PRUNE2: variants seen among roughly 807,000 people sequenced by gnomAD.
PRUNE2 encodes the protein prune homolog 2 with BCH domain.
PRUNE2 carries 164 observed loss-of-function variants against 252.0 expected under a neutral mutation model. The observed-to-expected ratio is 0.65, with a 90% CI of 0.57 to 0.74. The LOEUF (loss-of-function observed/expected upper bound fraction) is 0.74. Ranked by LOEUF, PRUNE2 falls within the 30% of genes least tolerant of loss-of-function variation. The probability of loss-of-function intolerance (pLI) is 0.00; values close to 1 mark genes in which losing one functional copy is unlikely to be tolerated. For synonymous variants in PRUNE2, 1,292 were observed against 1,350.2 expected, an observed-to-expected ratio of 0.96 and a Z score of 0.94; for missense variants, 3,495 against 3,711.0, an observed-to-expected ratio of 0.94 and a Z score of 1.51.
intron 6 of PRUNE2, among the ~76,000 whole-genome samples, chr9:76,740,763 A>C (rs1300465126): frequency 6.6e-6 from 1 of 152,220 alleles, no homozygotes; most frequent in Admixed American, 6.5e-5. Flanking sequence ...CTAGTGATCG[A>C]GGTAGATAAC....
intron 9 of PRUNE2, among the ~76,000 whole-genome samples, chr9:76,694,180 G>A (rs907082119): frequency 8.8e-5 from 13 of 148,244 alleles, no homozygotes; most frequent in South Asian, 6.5e-4. Context: ...GTTTTGTTTC[G>A]TTTTTTTTTT....
rs568059241 is a variant in PRUNE2 at position 76,767,059 on chromosome 9, G to A, written c.757-53338C>T. Among the ~76,000 whole-genome samples the A allele has an allele frequency of 3.4e-4, 52 of 152,154 alleles. 1 individual carries two copies. In the South Asian group the frequency reaches 7.7e-3, roughly 23 times the overall value. On this transcript the variant is annotated intron_variant, in intron 6 of 18. Transcript: ENST00000376718. ...ATTCACTGCTGTATTCTGGTATAGCGTCTCCAACATACTTACTGATGAATA... is the reference window on the plus strand; with the variant it reads ...ATTCACTGCTGTATTCTGGTATAGCATCTCCAACATACTTACTGATGAATA...
intron 6 of PRUNE2, chr9:76,785,020 CTTTG>C: frequency 6.6e-6 from 1 of 152,068 alleles, no homozygotes; most frequent in East Asian, 1.9e-4. Flanking sequence ...TATCCCTCCC[CTTTG>C]TTTGATTTTT....
chr9:76,876,775 C>T (rs2061498855), intron 1 of PRUNE2, among the ~76,000 whole-genome samples: 1 of 152,138 alleles, frequency 6.6e-6, no homozygotes, highest in Non-Finnish European at 1.5e-5. Context: ...GACTTAAACC[C>T]AAGAGGAAAT....
chr9:76,768,623 G>A (rs12003751), intron 6 of PRUNE2, among the ~76,000 whole-genome samples: 1,620 of 130,218 alleles, frequency 0.012, 27 homozygotes, highest in African/African-American at 0.042. Flanking sequence ...GTGTGTGTGT[G>A]TATATCCCTG....
In PRUNE2 at chr9:76,636,959, C is replaced by T. The variant is rs192599342; in HGVS notation, c.8964-402G>A. ...CAACAGAGTGAGACTCCAACAACAA[C>T]GACAACAACAAAAATGTGTGTGTGT... On this transcript the variant is annotated intron_variant, in intron 14 of 18. Transcript: ENST00000376718. Among the ~76,000 whole-genome samples the T allele has an allele frequency of 1.3e-4, 15 of 116,822 alleles. 1 individual carries two copies. Among genetic ancestry groups the T allele is most frequent in the African/African-American group, 2.2e-4 (7 of 32,556 alleles). The allele number at this position is 116,822 out of a possible 152,430, so 76.6% of individuals were successfully genotyped here. A position where few individuals can be genotyped will look rare whatever the true frequency, so the allele number is the denominator to read the frequency against.
chr9:76,867,313 T>C (rs749058606), intron 1 of PRUNE2, among the ~76,000 whole-genome samples: 1 of 148,948 alleles, frequency 6.7e-6, no homozygotes, highest in South Asian at 2.2e-4. Flanking sequence ...TATGACACCA[T>C]GGGTACCCAA....
chr9:76,899,041 T>C (rs1039374749), intron 1 of PRUNE2, among the ~76,000 whole-genome samples: 2 of 152,152 alleles, frequency 1.3e-5, no homozygotes, highest in Non-Finnish European at 2.9e-5. Flanking sequence ...GCCTAATCTT[T>C]TCTCTCAAGG....
chr9:76,762,539 A>G (rs1053564162), intron 6 of PRUNE2, among the ~76,000 whole-genome samples: 5 of 152,212 alleles, frequency 3.3e-5, no homozygotes, highest in African/African-American at 7.2e-5. Context: ...AAACTCTGAG[A>G]GAGGTGGTGA....
intron 18 of PRUNE2, 103 bp downstream of exon 18, chr9:76,619,237 C>T: frequency 1.4e-6 from 1 of 731,612 alleles, no homozygotes; most frequent in Non-Finnish European, 2.3e-6. Context: ...GAAAGCTGAA[C>T]ATCTAAACAG....
intron 1 of PRUNE2, among the ~76,000 whole-genome samples, chr9:76,877,595 C>T (rs1437208611): frequency 1.3e-5 from 2 of 152,130 alleles, no homozygotes; most frequent in African/African-American, 4.8e-5. Flanking sequence ...CTAGGAACCC[C>T]TCCAATCAGA....
intron 12 of PRUNE2, among the ~76,000 whole-genome samples, chr9:76,643,532 T>C (rs1843464791): frequency 6.6e-6 from 1 of 152,240 alleles, no homozygotes; most frequent in South Asian, 2.1e-4. Context: ...GTGTGTCACT[T>C]GCAGCAAGAT....
chr9:76,732,220 G>A (rs560820492), intron 6 of PRUNE2, among the ~76,000 whole-genome samples: 1 of 152,288 alleles, frequency 6.6e-6, no homozygotes, highest in East Asian at 1.9e-4. Flanking sequence ...GCTGAGGCAG[G>A]AGAATGGCTC....
chr9:76,905,856 C>T (rs1056387165), intron 1 of PRUNE2, 72 bp downstream of exon 1: 12 of 1,592,912 alleles, frequency 7.5e-6, no homozygotes, highest in Non-Finnish European at 1.0e-5. Flanking sequence ...TCTGCTGCAA[C>T]ACCTTTTCCT....
In PRUNE2 at chr9:76,832,136, T is replaced by C. The variant is rs780443369; in HGVS notation, c.509-5404A>G. Reference sequence around the variant, plus strand: ...TAAAGCAAAAACTGAAAAGACTAGATGAAAAATGAGATAAATACACAGTCA... The same window carrying C: ...TAAAGCAAAAACTGAAAAGACTAGACGAAAAATGAGATAAATACACAGTCA... On this transcript the variant is annotated intron_variant, in intron 4 of 18. Coordinates refer to ENST00000376718, the MANE Select transcript of PRUNE2 (RefSeq NM_015225.3). Among the ~76,000 whole-genome samples the C allele has an allele frequency of 1.2e-4, 18 of 152,148 alleles. No individual in the cohort carries two copies. In the East Asian group the frequency reaches 2.1e-3, roughly 18 times the overall value.
At chr9:76,762,240 T>C (rs1312789765) in intron 6 of PRUNE2, among the ~76,000 whole-genome samples, 1 of 152,246 alleles carries the variant, frequency 6.6e-6, no homozygotes, top group Admixed American at 6.5e-5. Context: ...GTGCTGCATT[T>C]GACTCCTGTA....
At chr9:76,858,554 G>A (rs925101633) in intron 1 of PRUNE2, among the ~76,000 whole-genome samples, 1 of 152,048 alleles carries the variant, frequency 6.6e-6, no homozygotes, top group Non-Finnish European at 1.5e-5. Flanking sequence ...TGGGAGTTGA[G>A]CAATGAGAAC....
intron 4 of PRUNE2, among the ~76,000 whole-genome samples, chr9:76,831,340 T>A (rs2058666844): frequency 6.6e-6 from 1 of 151,928 alleles, no homozygotes; most frequent in African/African-American, 2.4e-5. Flanking sequence ...CAGAAAAAAA[T>A]TATCTCATAA....
rs143154854 is a variant in PRUNE2, at chr9:76,872,237, C to T, written c.37-18029G>A. Among the ~76,000 whole-genome samples, 689 of 152,296 alleles carry T rather than the reference C, an allele frequency of 4.5e-3. 9 individuals carry two copies. Among genetic ancestry groups the T allele is most frequent in the African/African-American group, 0.016 (657 of 41,556 alleles). On this transcript the variant is annotated intron_variant, in intron 1 of 18. Coordinates refer to ENST00000376718, the MANE Select transcript of PRUNE2 (RefSeq NM_015225.3). Reference sequence around the variant, plus strand: ...CTCCCCACCGCATCCCCTCCCTGAGCTCCTCCTCAGCTCTTTGCCCCTCAA... The same window carrying T: ...CTCCCCACCGCATCCCCTCCCTGAGTTCCTCCTCAGCTCTTTGCCCCTCAA...
Sources: allele counts gnomAD v4.1 joint callset (sites outside exome capture counted in the v4.1 genomes callset), GRCh38; gene constraint gnomAD v4.1.1; transcripts MANE v1.5; gene names NCBI Gene and HGNC (gene_info 2026-07-23, HGNC 2026-07-21).